TMPRSS15: variants seen among roughly 807,000 people sequenced by gnomAD.
The protein encoded by TMPRSS15 is enteropeptidase.
TMPRSS15 carries 128 observed loss-of-function variants against 125.3 expected under a neutral mutation model. The observed-to-expected ratio is 1.02, with a 90% CI of 0.89 to 1.18. TMPRSS15 has a LOEUF of 1.18. TMPRSS15 is among the 50% of genes most tolerant of loss of function. TMPRSS15 has a pLI of 0.00. For missense variants in TMPRSS15, 1,283 were observed against 1,212.7 expected (o/e 1.06, Z -0.86); for synonymous variants, 446 against 423.2 (o/e 1.05, Z -0.66).
At chr21:18,307,466 C>A (rs2075050086) in intron 18 of TMPRSS15, among the ~76,000 whole-genome samples, 1 of 152,136 alleles carries the variant, frequency 6.6e-6, no homozygotes, top group African/African-American at 2.4e-5. Context: ...TCAGCTCAGG[C>A]CATTTTCTAG....
intron 13 of TMPRSS15, among the ~76,000 whole-genome samples, 170 bp downstream of exon 13, chr21:18,341,243 T>A (rs1040548288): frequency 1.3e-5 from 2 of 152,080 alleles, no homozygotes; most frequent in African/African-American, 2.4e-5. Flanking sequence ...TGTTTGTTTG[T>A]TTTGTTTTGT....
At chr21:18,287,967 G>C (rs2074785626) in intron 21 of TMPRSS15, among the ~76,000 whole-genome samples, 1 of 152,098 alleles carries the variant, frequency 6.6e-6, no homozygotes, top group African/African-American at 2.4e-5. Context: ...ATTTGATCTA[G>C]TACTCCCACT....
chr21:18,398,220 A>T lies in TMPRSS15; in HGVS notation c.255T>A (p.Leu85=), dbSNP rs2123124859. Reference sequence around the variant, plus strand: ...CTACCATTTGCTGAAGGTCAAAAGCAAGAACTTTGAAATCCACTGAGAGTT... The same window carrying T: ...CTACCATTTGCTGAAGGTCAAAAGCTAGAACTTTGAAATCCACTGAGAGTT... ...QDKLSVDFKV[L]AFDLQQMIDE... is the part of the protein sequence containing the mutation. Residue 85 remains leucine, a synonymous_variant, in exon 2 of 25, where the codon CTT becomes CTA. Transcript: ENST00000284885. The T allele has an allele frequency of 6.2e-7, 1 of 1,613,932 alleles. No individual in the cohort carries two copies. Among genetic ancestry groups the T allele is most frequent in the South Asian group, 1.1e-5 (1 of 91,082 alleles).
At chr21:18,359,250 A>C (rs1601387203) in intron 8 of TMPRSS15, among the ~76,000 whole-genome samples, 2 of 152,036 alleles carry the variant, frequency 1.3e-5, no homozygotes, top group East Asian at 3.9e-4. Flanking sequence ...GTTATATAGT[A>C]ACAATACCAT....
At chr21:18,481,717 T>C (rs1978985595) in intron 1 of TMPRSS15, among the ~76,000 whole-genome samples, 1 of 151,652 alleles carries the variant, frequency 6.6e-6, no homozygotes, top group Non-Finnish European at 1.5e-5. Flanking sequence ...AAAATTAAAT[T>C]TTACTCCTTT....
At chr21:18,283,205 A>G (rs77338691) in intron 21 of TMPRSS15, among the ~76,000 whole-genome samples, 1 of 152,194 alleles carries the variant, frequency 6.6e-6, no homozygotes, top group Non-Finnish European at 1.5e-5. Context: ...GAGAGTGAAC[A>G]GAGCCAAATC....
At chr21:18,406,304 G>T (rs1569062480), upstream of TMPRSS15, among the ~76,000 whole-genome samples, 1 of 152,174 alleles carries the variant, frequency 6.6e-6, no homozygotes, top group Non-Finnish European at 1.5e-5. Context: ...ATTGGTTGAG[G>T]TTAGCTTCTG....
chr21:18,391,253 G>T (rs1367150439), intron 3 of TMPRSS15, among the ~76,000 whole-genome samples: 2 of 152,098 alleles, frequency 1.3e-5, no homozygotes, highest in Non-Finnish European at 2.9e-5. Flanking sequence ...TAATTCAAAA[G>T]TCCAAAGTCC....
At chr21:18,361,133 C>T (rs2075676445) in intron 7 of TMPRSS15, among the ~76,000 whole-genome samples, 1 of 152,006 alleles carries the variant, frequency 6.6e-6, no homozygotes, top group African/African-American at 2.4e-5. Flanking sequence ...GTGACAGGTT[C>T]ATCAGAAAAT....
intron 18 of TMPRSS15, among the ~76,000 whole-genome samples, chr21:18,308,466 A>G (rs533693336): frequency 2.0e-4 from 31 of 152,224 alleles, no homozygotes; most frequent in African/African-American, 7.5e-4. Context: ...TTTAACACAT[A>G]CTATTTATAA....
intron 3 of TMPRSS15, among the ~76,000 whole-genome samples, chr21:18,395,500 A>G (rs2076026656): frequency 6.6e-6 from 1 of 152,164 alleles, no homozygotes; most frequent in Non-Finnish European, 1.5e-5. Flanking sequence ...ACAAATTGAC[A>G]AGCTTGTGGT....
rs1243645238 is a variant in TMPRSS15, at chr21:18,413,315, C to CTTT, written c.11-14987_11-14986insAAA. ...TTCTTTTCTTTCTTTTCTTTCTTTT[C>CTTT]CTTCCTTCCTTCCTTCCTTCCTTCC... is the stretch of plus-strand genomic sequence containing the variant. On this transcript the variant is annotated intron_variant, in intron 1 of 7. Coordinates refer to the TMPRSS15 transcript ENST00000422787. Among the ~76,000 whole-genome samples the CTTT allele has an allele frequency of 2.0e-3, 153 of 76,206 alleles. 3 individuals carry two copies. Among genetic ancestry groups the CTTT allele is most frequent in the Non-Finnish European group, 1.7e-3 (70 of 40,816 alleles). 50.0% of individuals were successfully genotyped at this position (76,206 alleles called of 152,430 possible). A position where few individuals can be genotyped will look rare whatever the true frequency, so the allele number is the denominator to read the frequency against.
chr21:18,409,686 A>C (rs1315876793), intron 1 of TMPRSS15, among the ~76,000 whole-genome samples: 1 of 152,062 alleles, frequency 6.6e-6, no homozygotes, highest in African/African-American at 2.4e-5. Context: ...GGATTTTGTT[A>C]CTGGGTTCTT....
At chr21:18,409,843 T>TC (rs2076160850) in intron 1 of TMPRSS15, among the ~76,000 whole-genome samples, 1 of 85,488 alleles carries the variant, frequency 1.2e-5, no homozygotes, top group Non-Finnish European at 2.2e-5. Flanking sequence ...CCTCCCTCCT[T>TC]TCCCCCTTCC....
intron 1 of TMPRSS15, among the ~76,000 whole-genome samples, chr21:18,411,119 G>A (rs531328337): frequency 3.9e-5 from 6 of 152,162 alleles, no homozygotes; most frequent in Non-Finnish European, 7.4e-5. Context: ...TTAAACAGCA[G>A]TTACATTCCT....
chr21:18,440,597 C>G (rs536743707), intron 1 of TMPRSS15, among the ~76,000 whole-genome samples: 2 of 151,910 alleles, frequency 1.3e-5, no homozygotes, highest in Admixed American at 6.6e-5. Context: ...TTATCCCATG[C>G]TATAAGTAGC....
At chr21:18,359,709 C>T (rs556248220) in intron 8 of TMPRSS15, 48 bp downstream of exon 8, 119 of 909,490 alleles carry the variant, frequency 1.3e-4, no homozygotes, top group Non-Finnish European at 2.1e-4. Context: ...AAAAATTTAC[C>T]CACATATTTT....
intron 10 of TMPRSS15, among the ~76,000 whole-genome samples, chr21:18,345,225 T>C (rs1185579100): frequency 6.6e-6 from 1 of 152,222 alleles, no homozygotes; most frequent in Non-Finnish European, 1.5e-5. Context: ...AAATTTTATA[T>C]TATTAACACA....
At chr21:18,437,590 A>G (rs1025636912) in intron 1 of TMPRSS15, among the ~76,000 whole-genome samples, 2 of 152,214 alleles carry the variant, frequency 1.3e-5, no homozygotes, top group African/African-American at 4.8e-5. Context: ...ACAAAGGGCT[A>G]ATATCCAGAA....
Sources: allele counts gnomAD v4.1 joint callset (sites outside exome capture counted in the v4.1 genomes callset), GRCh38; gene constraint gnomAD v4.1.1; transcripts MANE v1.5; gene names NCBI Gene and HGNC (gene_info 2026-07-23, HGNC 2026-07-21).